MAU2: variants seen among roughly 807,000 people sequenced by gnomAD.
The protein encoded by MAU2 is MAU2 sister chromatid cohesion factor.
MAU2 carries 9 observed loss-of-function variants against 89.1 expected under a neutral mutation model. That is an observed-to-expected ratio of 0.10 (90% CI 0.06 to 0.18). The LOEUF (loss-of-function observed/expected upper bound fraction) is 0.18, where lower values mean the gene tolerates loss of function less well. MAU2 is among the 10% of genes least tolerant of loss of function. MAU2 has a pLI of 1.00. For missense variants in MAU2, 425 were observed against 803.5 expected (o/e 0.53, Z 5.69); for synonymous variants, 357 against 343.4 (o/e 1.04, Z -0.44).
At chr19:19,354,199 C>T in intron 16 of MAU2, 156 bp from the exon 17 acceptor site, 1 of 656,270 alleles carries the variant, frequency 1.5e-6, no homozygotes, top group South Asian at 1.7e-5. Context: ...GAGATGGGCT[C>T]TGAGGTAAGC....
chr19:19,358,102 G>A lies in MAU2; in HGVS notation c.*2320G>A, dbSNP rs1432162790. 6.6e-6 allele frequency: 1 copy of A among 151,844 alleles called. No individual in the cohort carries two copies. Among genetic ancestry groups the A allele is most frequent in the Non-Finnish European group, 1.5e-5 (1 of 68,020 alleles). 9.4% of individuals were successfully genotyped at this position (151,844 alleles called of 1,614,324 possible). Reference sequence around the variant, plus strand: ...CTCAAAAAAAAAAAAAAAAACAATGGAAGGCAGACAGCAAGTCCCTGAGGA... The same window carrying A: ...CTCAAAAAAAAAAAAAAAAACAATGAAAGGCAGACAGCAAGTCCCTGAGGA... On this transcript the variant is annotated 3_prime_UTR_variant, in exon 19 of 19. Coordinates refer to ENST00000262815, the MANE Select transcript of MAU2 (RefSeq NM_015329.4).
chr19:19,355,069 T>C, intron 17 of MAU2, 195 bp from the exon 18 acceptor site: 1 of 651,588 alleles, frequency 1.5e-6, no homozygotes. Context: ...CAGCCAGCCC[T>C]GTTCTGCCCT....
In MAU2 at chr19:19,321,035, C is replaced by A. The variant is rs1414572457; in HGVS notation, c.176C>A (p.Pro59Gln). The change falls in exon 1 of 19, where the codon CCG (proline) becomes CAG (glutamine). Residue 59 changes from proline to glutamine, a missense_variant. This residue lies in a region of MAU2 where 57 missense variants were observed against 57.5 expected (regional missense o/e 0.99). Coordinates refer to ENST00000262815, the MANE Select transcript of MAU2 (RefSeq NM_015329.4). ...HCLQAVFPFKPPQRIEARTHL... is the reference protein window; with the variant it reads ...HCLQAVFPFKQPQRIEARTHL... ...CTGCAGGCCGTGTTCCCCTTCAAGCCGCCGCAGCGCATCGAGGCCCGTACA... is the reference window on the plus strand; with the variant it reads ...CTGCAGGCCGTGTTCCCCTTCAAGCAGCCGCAGCGCATCGAGGCCCGTACA... The A allele has an allele frequency of 1.9e-6, 3 of 1,612,622 alleles. No homozygotes were observed. The highest frequency in any genetic ancestry group is 2.5e-6 in the Non-Finnish European group (3 of 1,179,440).
In MAU2 at chr19:19,342,882, G is replaced by A. The variant is rs775951559; in HGVS notation, c.973+16G>A. On this transcript the variant is annotated intron_variant, in intron 9 of 18. Transcript: ENST00000262815. ...AAGCTCAAGAGTAAGTCAGGTGCTCGGCTGGCCACATGGCCACAGCGACCC... is the reference window on the plus strand; with the variant it reads ...AAGCTCAAGAGTAAGTCAGGTGCTCAGCTGGCCACATGGCCACAGCGACCC... The A allele has an allele frequency of 5.0e-5, 81 of 1,613,056 alleles. No homozygotes were observed. The highest frequency in any genetic ancestry group is 6.3e-5 in the Non-Finnish European group (74 of 1,179,798).
chr19:19,328,694 T>A (rs2061531394), intron 1 of MAU2, among the ~76,000 whole-genome samples: 1 of 152,312 alleles, frequency 6.6e-6, no homozygotes, highest in Middle Eastern at 3.4e-3. Flanking sequence ...GTGCTGGGAT[T>A]ACAGGCGTGA....
intron 16 of MAU2, 63 bp downstream of exon 16, chr19:19,349,499 C>A: frequency 1.4e-6 from 2 of 1,399,392 alleles, no homozygotes; most frequent in Non-Finnish European, 2.0e-6. Context: ...GGGACAGGAG[C>A]CGGCCAGCAC....
chr19:19,345,468 C>T lies in MAU2; in HGVS notation c.1221+99C>T. 1 of 1,163,758 alleles carries T rather than the reference C, an allele frequency of 8.6e-7. No individual in the cohort carries two copies. The allele number at this position is 1,163,758 out of a possible 1,614,324, so 72.1% of individuals were successfully genotyped here. On this transcript the variant is annotated intron_variant, in intron 12 of 18. Transcript: ENST00000262815. The surrounding 1 kb of genome is among the most constrained non-coding windows in gnomAD (Gnocchi z 4.9). ...GAGGACAGCAGTCGCGCTAGGTCAG[C>T]TATGCAAAGCCGCAGCCCCAGAGGC...
intron 12 of MAU2, 84 bp from the exon 13 acceptor site, chr19:19,347,196 C>T (rs2061700016): frequency 4.9e-6 from 4 of 818,498 alleles, no homozygotes; most frequent in Middle Eastern, 2.9e-4. Flanking sequence ...AAGTAGTCTC[C>T]GTGGAGATTG....
chr19:19,337,029 AT>A, intron 3 of MAU2, 140 bp from the exon 4 acceptor site: 1 of 633,172 alleles, frequency 1.6e-6, no homozygotes, highest in African/African-American at 1.8e-5. Context: ...AATAAAGTAA[AT>A]TGGCAACCCC....
chr19:19,351,360 T>C (rs1470314508), intron 16 of MAU2, among the ~76,000 whole-genome samples: 1 of 149,710 alleles, frequency 6.7e-6, no homozygotes, highest in African/African-American at 2.5e-5. Context: ...AGATGCTATC[T>C]CTTAAAAAAA....
At chr19:19,324,906 CTTCA>C (rs1407274050) in intron 1 of MAU2, among the ~76,000 whole-genome samples, 1 of 152,172 alleles carries the variant, frequency 6.6e-6, no homozygotes, top group African/African-American at 2.4e-5. Context: ...TTTCTTTCAT[CTTCA>C]TTCTTTATTA....
In MAU2 at chr19:19,320,920, G is replaced by A; in HGVS notation, c.61G>A (p.Ala21Thr). Residue 21 changes from alanine (A) to threonine (T), a missense_variant, in exon 1 of 19, where the codon GCG becomes ACG. Transcript: ENST00000262815. Reference sequence around the variant, plus strand: ...GGCGGCCCAGGCTGCGCAGGCCGAGGCGGCCGACTCGTGGTACCTGGCGCT... The same window carrying A: ...GGCGGCCCAGGCTGCGCAGGCCGAGACGGCCGACTCGTGGTACCTGGCGCT... ...AAAAQAAQAE[A>T]ADSWYLALLG... 6.4e-7 allele frequency: 1 copy of A among 1,560,116 alleles called. No individual in the cohort carries two copies. Among genetic ancestry groups the A allele is most frequent in the Non-Finnish European group, 8.7e-7 (1 of 1,153,534 alleles).
rs1386971383 is a variant in MAU2 at position 19,355,799 on chromosome 19, T to C, written c.*17T>C. The C allele has an allele frequency of 6.2e-7, 1 of 1,602,534 alleles. No individual in the cohort carries two copies. The highest frequency in any genetic ancestry group is 1.3e-5 in the African/African-American group (1 of 75,026). On this transcript the variant is annotated 3_prime_UTR_variant, in exon 19 of 19. Coordinates refer to ENST00000262815, the MANE Select transcript of MAU2 (RefSeq NM_015329.4). ...CTCCTGTGAGGCCTTGATGGGGCCA[T>C]CCAGCTCCGCAGGGCCTGCGCGTCT...
rs544018191 is a variant in MAU2, at chr19:19,354,984, C to T, written c.1640-280C>T. Among the ~76,000 whole-genome samples, 32 of 152,262 alleles carry T rather than the reference C, an allele frequency of 2.1e-4. No individual in the cohort carries two copies. The Middle Eastern group carries it at 0.01, about 49-fold the overall frequency. ...GCATTGGGCGTCCTGCCCCAATGAG[C>T]GCCTGTTTGCCTGAGGGCTGGCCAT... On this transcript the variant is annotated intron_variant, in intron 17 of 18. Coordinates refer to ENST00000262815, the MANE Select transcript of MAU2 (RefSeq NM_015329.4).
Position 19,351,587 on chromosome 19 carries a change from G to C in MAU2, c.1548+2151G>C, listed in dbSNP as rs931231133. Among the ~76,000 whole-genome samples, 6 of 152,056 alleles carry C rather than the reference G, an allele frequency of 3.9e-5. No homozygotes were observed. The South Asian group carries it at 1.2e-3, about 32-fold the overall frequency. On this transcript the variant is annotated intron_variant, in intron 16 of 18. Transcript: ENST00000262815. ...CCCAGCTAATTGGGAGGCTGAGGTG[G>C]GAGGATCACTTGAGCCCAGGAGGTT...
intron 1 of MAU2, chr19:19,334,178 C>G (rs1443808099): frequency 9.1e-6 from 9 of 985,254 alleles, no homozygotes; most frequent in Non-Finnish European, 1.1e-5. Flanking sequence ...CACACAGCCT[C>G]TAGCTGAGGA....
At position 19,342,917 on chromosome 19, in the gene MAU2, G is replaced by A. The variant is rs559107525; in HGVS notation, c.973+51G>A. ...ATGGCCACAGCGACCCCTGGCGGAC[G>A]GCCTGGCCAGACGCTAGCTGTACCA... On this transcript the variant is annotated intron_variant, in intron 9 of 18. Transcript: ENST00000262815. The A allele has an allele frequency of 1.4e-4, 226 of 1,595,728 alleles. 2 individuals carry two copies. In the East Asian group the frequency reaches 4.4e-3, roughly 31 times the overall value.
rs2048199011 is a variant in MAU2, at chr19:19,358,061, G to A, written c.*2279G>A. The A allele has an allele frequency of 6.7e-6, 1 of 149,014 alleles. No individual in the cohort carries two copies. The allele number at this position is 149,014 out of a possible 1,614,324, so 9.2% of individuals were successfully genotyped here. A position where few individuals can be genotyped will look rare whatever the true frequency, so the allele number is the denominator to read the frequency against. On this transcript the variant is annotated 3_prime_UTR_variant, in exon 19 of 19. Coordinates refer to ENST00000262815, the MANE Select transcript of MAU2 (RefSeq NM_015329.4). ...CGCGACACTGCACTCCAGCCTGGGT[G>A]ACGGTGAGACTTTGTCTCAAAAAAA...
chr19:19,354,769 T>C (rs759269748), intron 17 of MAU2, among the ~76,000 whole-genome samples: 3 of 152,164 alleles, frequency 2.0e-5, no homozygotes, highest in Non-Finnish European at 4.4e-5. Flanking sequence ...CCATACCTAT[T>C]GGGTAGGGCT....
Sources: gnomAD v4.1 joint callset for allele counts (sites outside exome capture counted in the v4.1 genomes callset) on GRCh38, gnomAD v4.1.1 for gene constraint, gnomAD v4.1.1 regional missense constraint, Gnocchi (gnomAD v3.1) non-coding constraint, MANE v1.5 for transcripts, NCBI Gene and HGNC (gene_info 2026-07-23, HGNC 2026-07-21) for gene names.